The following CEMIP2 variants were observed in gnomAD, a reference collection of about 807,000 sequenced individuals.
The protein encoded by CEMIP2 is cell surface hyaluronidase CEMIP2.
Under a neutral mutation model 146.9 loss-of-function variants are expected in CEMIP2, and 79 were observed. The ratio of observed to expected loss-of-function variants is 0.54; its 90% confidence interval spans 0.45 to 0.65. The LOEUF (loss-of-function observed/expected upper bound fraction) is 0.65. Among genes scored for constraint, CEMIP2 ranks in the 30% least tolerant of loss-of-function variants. CEMIP2 has a pLI of 0.00. For missense variants in CEMIP2, 1,596 were observed against 1,696.2 expected, an observed-to-expected ratio of 0.94 and a Z score of 1.04; for synonymous variants, 601 against 606.3, an observed-to-expected ratio of 0.99 and a Z score of 0.13.
intron 21 of CEMIP2, 86 bp from the exon 22 acceptor site, chr9:71,690,332 T>C (rs1430561558): frequency 1.4e-6 from 2 of 1,463,012 alleles, no homozygotes; most frequent in Non-Finnish European, 1.9e-6. Context: ...TTTCCCTGTG[T>C]CTTCTAAACC....
At chr9:71,728,570 C>G (rs1823517991) in intron 10 of CEMIP2, among the ~76,000 whole-genome samples, 1 of 151,498 alleles carries the variant, frequency 6.6e-6, no homozygotes, top group South Asian at 2.1e-4. Flanking sequence ...TTTCTCCAAA[C>G]TTATCCAGGG....
intron 14 of CEMIP2, among the ~76,000 whole-genome samples, 192 bp downstream of exon 14, chr9:71,716,325 A>C (rs1242078381): frequency 6.7e-6 from 1 of 148,408 alleles, no homozygotes; most frequent in African/African-American, 2.5e-5. Flanking sequence ...TTAACCTAGT[A>C]CTTTGCTATG....
chr9:71,739,502 G>A (rs1823856281), intron 5 of CEMIP2, among the ~76,000 whole-genome samples: 1 of 151,412 alleles, frequency 6.6e-6, no homozygotes, highest in African/African-American at 2.4e-5. Context: ...CTTTTTGGCA[G>A]AGGCAAAGAA....
rs1418285556 is a variant in CEMIP2, at chr9:71,704,709, T to C, written c.3080A>G (p.Gln1027Arg). The change falls in exon 18 of 24, where the codon CAG (glutamine) becomes CGG (arginine). Residue 1027 changes from glutamine (Q) to arginine (R), a missense_variant. Physicochemically the swap from Gln to Arg is conservative, Grantham distance 43. Coordinates refer to ENST00000377044, the MANE Select transcript of CEMIP2 (RefSeq NM_013390.3). ...CTGGTACTGTGGAAAGGCAGCCTTC[T>C]GATTAATACCTCGGAGCACCATAGG... Reference protein sequence around the residue: ...SNPMVLRGINQKAAFPQYQPV... With the variant: ...SNPMVLRGINRKAAFPQYQPV... 5 of 1,614,090 alleles carry C rather than the reference T, an allele frequency of 3.1e-6. No homozygotes were observed. The highest frequency in any genetic ancestry group is 4.2e-6 in the Non-Finnish European group (5 of 1,180,040).
intron 5 of CEMIP2, among the ~76,000 whole-genome samples, chr9:71,738,741 G>A (rs1019598232): frequency 6.6e-6 from 1 of 151,882 alleles, no homozygotes; most frequent in African/African-American, 2.4e-5. Flanking sequence ...GGGAGGCTGA[G>A]GCAGATAATT....
intron 1 of CEMIP2, among the ~76,000 whole-genome samples, chr9:71,765,642 G>A (rs755734390): frequency 3.3e-5 from 5 of 152,096 alleles, no homozygotes; most frequent in Non-Finnish European, 5.9e-5. Flanking sequence ...ACCCCCAACT[G>A]TTCCTTCTCT....
intron 21 of CEMIP2, among the ~76,000 whole-genome samples, chr9:71,692,381 C>T (rs1822259743): frequency 6.9e-6 from 1 of 144,804 alleles, no homozygotes; most frequent in Non-Finnish European, 1.5e-5. Context: ...CTCTCTCTCT[C>T]TCTCTCTCTC....
chr9:71,688,325 C>T (rs1282150973), intron 22 of CEMIP2, among the ~76,000 whole-genome samples: 1 of 151,590 alleles, frequency 6.6e-6, no homozygotes, highest in Non-Finnish European at 1.5e-5. Flanking sequence ...ATGTGGGTCT[C>T]GATGGTTCTT....
At chr9:71,717,915 T>A (rs1285715721) in intron 13 of CEMIP2, 33 bp downstream of exon 13, 1 of 1,573,320 alleles carries the variant, frequency 6.4e-7, no homozygotes, top group Non-Finnish European at 8.6e-7. Context: ...TACATCAGTG[T>A]CATCATATAA....
intron 18 of CEMIP2, among the ~76,000 whole-genome samples, chr9:71,703,400 A>G (rs1440267807): frequency 6.6e-6 from 1 of 152,212 alleles, no homozygotes; most frequent in East Asian, 1.9e-4. Context: ...CTCAGAGCAC[A>G]TGCCAGAGCC....
intron 5 of CEMIP2, among the ~76,000 whole-genome samples, chr9:71,736,900 G>A (rs1333640050): frequency 6.6e-6 from 1 of 152,134 alleles, no homozygotes; most frequent in African/African-American, 2.4e-5. Context: ...TCTAGGATGG[G>A]CGTGGTGGCT....
In CEMIP2 at chr9:71,750,224, G is replaced by A. The variant is rs765012043; in HGVS notation, c.150C>T (p.Thr50=). ...TTGCCCGGTCTTCTCGTCTGATGGA[G>A]GTAAATTTGGCTGAAGCTTGACTCT... ...PPKSQASAKF[T]SIRREDRATF... is the part of the protein sequence containing the mutation. The change falls in exon 2 of 24, where the codon ACC becomes ACT. Residue 50 remains threonine, a synonymous_variant. Coordinates refer to ENST00000377044, the MANE Select transcript of CEMIP2 (RefSeq NM_013390.3). 1 of 1,614,072 alleles carries A rather than the reference G, an allele frequency of 6.2e-7. No individual in the cohort carries two copies. Among genetic ancestry groups the A allele is most frequent in the African/African-American group, 1.3e-5 (1 of 75,004 alleles).
chr9:71,713,832 T>C (rs1822974652), intron 15 of CEMIP2, among the ~76,000 whole-genome samples: 1 of 152,200 alleles, frequency 6.6e-6, no homozygotes. Context: ...ACCTATCTCA[T>C]TGAGCTTTGT....
At chr9:71,691,999 C>T (rs1222127528) in intron 21 of CEMIP2, among the ~76,000 whole-genome samples, 1 of 151,898 alleles carries the variant, frequency 6.6e-6, no homozygotes, top group Non-Finnish European at 1.5e-5. Flanking sequence ...ATCCCAGTTA[C>T]TCGGGAGGCT....
rs186467793 is a variant in CEMIP2 at position 71,744,356 on chromosome 9, C to T, written c.1034+662G>A. On this transcript the variant is annotated intron_variant, in intron 4 of 23. Transcript: ENST00000377044. Reference sequence around the variant, plus strand: ...TACCACTGCACTCCAGCTCGGGCAACGGGGCAAGACCCTGTCACTAAAAAT... The same window carrying T: ...TACCACTGCACTCCAGCTCGGGCAATGGGGCAAGACCCTGTCACTAAAAAT... 3.4e-3 allele frequency among the ~76,000 whole-genome samples: 520 copies of T among 152,134 alleles called. 1 individual carries two copies. The highest frequency in any genetic ancestry group is 5.7e-3 in the Non-Finnish European group (385 of 68,012).
chr9:71,712,978 C>T lies in CEMIP2; in HGVS notation c.2592-718G>A, dbSNP rs371403638. On this transcript the variant is annotated intron_variant, in intron 15 of 23. Transcript: ENST00000377044. Reference sequence around the variant, plus strand: ...TCTATAGCAACTAATTATTCTACAACTAGGCAATGTTTTACAGCAAAAGCA... The same window carrying T: ...TCTATAGCAACTAATTATTCTACAATTAGGCAATGTTTTACAGCAAAAGCA... Among the ~76,000 whole-genome samples the T allele has an allele frequency of 9.2e-5, 14 of 152,312 alleles. No homozygotes were observed. In the East Asian group the frequency reaches 2.7e-3, roughly 29 times the overall value.
chr9:71,728,263 A>ATATATATATATATGTG lies in CEMIP2; in HGVS notation c.2049+1581_2049+1582insCACATATATATATATA, dbSNP rs1823473341. Among the ~76,000 whole-genome samples, 5 of 10,546 alleles carry ATATATATATATATGTG rather than the reference A, an allele frequency of 4.7e-4. 1 individual carries two copies. Among genetic ancestry groups the ATATATATATATATGTG allele is most frequent in the African/African-American group, 6.3e-4 (3 of 4,784 alleles). The allele number at this position is 10,546 out of a possible 152,430, so 6.9% of individuals were successfully genotyped here. ...TATATATATATATGTATATACACGTATATATATATATATATATGTATATAT... is the reference window on the plus strand; with the variant it reads ...TATATATATATATGTATATACACGTATATATATATATATGTGTATATATATATATATATGTATATAT... On this transcript the variant is annotated intron_variant, in intron 10 of 23. Coordinates refer to ENST00000377044, the MANE Select transcript of CEMIP2 (RefSeq NM_013390.3).
chr9:71,706,864 T>G (rs1454828399), intron 17 of CEMIP2, among the ~76,000 whole-genome samples: 1 of 152,172 alleles, frequency 6.6e-6, no homozygotes, highest in Non-Finnish European at 1.5e-5. Context: ...GTTTCGCTCT[T>G]GTTGCCCAGG....
chr9:71,735,212 T>G (rs573109237), intron 5 of CEMIP2, among the ~76,000 whole-genome samples: 3 of 152,064 alleles, frequency 2.0e-5, no homozygotes, highest in Non-Finnish European at 4.4e-5. Flanking sequence ...GAGTGCCCCA[T>G]GTACCTCTAG....
Sources: gnomAD v4.1 joint callset for allele counts (sites outside exome capture counted in the v4.1 genomes callset) on GRCh38, gnomAD v4.1.1 for gene constraint, MANE v1.5 for transcripts, NCBI Gene and HGNC (gene_info 2026-07-23, HGNC 2026-07-21) for gene names.